The following CHST8 variants were observed in gnomAD, a reference collection of about 807,000 sequenced individuals.
CHST8 encodes GALNAC-4-ST1.
A neutral mutation model predicts 15.0 loss-of-function variants in CHST8; 10 were observed. That is an observed-to-expected ratio of 0.67 (90% CI 0.41 to 1.13). The LOEUF is 1.13. Among genes scored for constraint, CHST8 ranks in the 50% most tolerant of loss-of-function variants. CHST8 has a pLI of 0.00. For missense variants in CHST8, 634 were observed against 608.2 expected (o/e 1.04, Z -0.45); for synonymous variants, 259 against 256.6 (o/e 1.01, Z -0.09).
rs1301779472 is a variant in CHST8, at chr19:33,772,007, G to A, written c.219G>A (p.Glu73=). The change falls in exon 5 of 5, where the codon GAG becomes GAA. Residue 73 remains glutamate (E), a synonymous_variant. Coordinates refer to ENST00000650847, the MANE Select transcript of CHST8 (RefSeq NM_001127895.2). ...ATGGTGACTTGAAGGAACCCACAGA[G>A]AGGGTCACTCGGGACTTATCCAGTG... is the stretch of plus-strand genomic sequence containing the variant. ...SQDGDLKEPT[E]RVTRDLSSGA... 6.2e-7 allele frequency: 1 copy of A among 1,603,022 alleles called. No homozygotes were observed. Among genetic ancestry groups the A allele is most frequent in the Non-Finnish European group, 8.5e-7 (1 of 1,176,360 alleles).
chr19:33,690,337 T>G (rs373148377), intron 3 of CHST8, among the ~76,000 whole-genome samples: 10 of 151,972 alleles, frequency 6.6e-5, no homozygotes, highest in East Asian at 5.8e-4. Context: ...GGGCCAGAGG[T>G]GTAGGCAGAG....
At chr19:33,699,907 C>G (rs79304027) in intron 3 of CHST8, among the ~76,000 whole-genome samples, 11,595 of 152,184 alleles carry the variant, frequency 0.076, 502 homozygotes, top group Middle Eastern at 0.15. Flanking sequence ...TGGGCCAGGA[C>G]CACAGGAGCG....
chr19:33,744,014 C>G (rs1239744344), intron 3 of CHST8, among the ~76,000 whole-genome samples: 1 of 151,996 alleles, frequency 6.6e-6, no homozygotes, highest in African/African-American at 2.4e-5. Context: ...TGGTCTCGAA[C>G]TCCTGACCTC....
intron 1 of CHST8, among the ~76,000 whole-genome samples, chr19:33,633,022 G>A (rs911237279): frequency 4.6e-5 from 7 of 152,054 alleles, no homozygotes; most frequent in Non-Finnish European, 1.0e-4. Context: ...GTAGAGACGG[G>A]GTTTCACCAT....
At chr19:33,769,055 T>C (rs1343275082) in intron 3 of CHST8, among the ~76,000 whole-genome samples, 1 of 152,084 alleles carries the variant, frequency 6.6e-6, no homozygotes, top group African/African-American at 2.4e-5. Flanking sequence ...AGCATTAGAG[T>C]GGGACAGCCC....
intron 1 of CHST8, among the ~76,000 whole-genome samples, chr19:33,659,086 A>G (rs549371666): frequency 1.8e-5 from 1 of 55,092 alleles, no homozygotes; most frequent in South Asian, 5.9e-4. Context: ...TTTTTTTGAG[A>G]TGGCGTCTTG....
intron 3 of CHST8, among the ~76,000 whole-genome samples, chr19:33,747,504 C>T (rs1481721044): frequency 6.6e-6 from 1 of 152,074 alleles, no homozygotes; most frequent in African/African-American, 2.4e-5. Context: ...TCTAAGCTAC[C>T]ATGTAAAAAT....
chr19:33,757,951 T>C (rs921452663), intron 3 of CHST8, among the ~76,000 whole-genome samples: 1 of 152,128 alleles, frequency 6.6e-6, no homozygotes, highest in African/African-American at 2.4e-5. Context: ...TGGACCTGAC[T>C]CCAGCTTCAA....
intron 3 of CHST8, among the ~76,000 whole-genome samples, chr19:33,719,822 C>T (rs79595413): frequency 0.021 from 3,248 of 152,150 alleles, 107 homozygotes; most frequent in African/African-American, 0.075. Flanking sequence ...GAGCATGACA[C>T]GTGATACCCA....
intron 3 of CHST8, among the ~76,000 whole-genome samples, chr19:33,718,217 T>C (rs901800871): frequency 6.6e-6 from 1 of 151,026 alleles, no homozygotes; most frequent in Non-Finnish European, 1.5e-5. Flanking sequence ...TGTCTTTTTT[T>C]CTTTCTTTTT....
At chr19:33,721,431 A>G (rs1175539778) in intron 3 of CHST8, among the ~76,000 whole-genome samples, 2 of 152,152 alleles carry the variant, frequency 1.3e-5, no homozygotes, top group African/African-American at 4.8e-5. Context: ...CTGCTATGCT[A>G]GGTTCTTAAC....
intron 3 of CHST8, among the ~76,000 whole-genome samples, chr19:33,750,363 T>C (rs1386586487): frequency 6.6e-6 from 1 of 152,120 alleles, no homozygotes; most frequent in Non-Finnish European, 1.5e-5. Flanking sequence ...GACCTCAGGG[T>C]TTCCTGCTCA....
intron 2 of CHST8, among the ~76,000 whole-genome samples, chr19:33,685,979 C>T (rs776363872): frequency 2.0e-5 from 3 of 152,154 alleles, no homozygotes; most frequent in Non-Finnish European, 4.4e-5. Flanking sequence ...AGGGGAGGCA[C>T]GCTGACCTTT....
At position 33,661,867 on chromosome 19, in the gene CHST8, C is replaced by CAAA. The variant is rs34236738; in HGVS notation, c.-163-5882_-163-5880dup. 5.9e-3 allele frequency among the ~76,000 whole-genome samples: 453 copies of CAAA among 76,688 alleles called. 4 individuals carry two copies. The highest frequency in any genetic ancestry group is 0.019 in the African/African-American group (441 of 23,040). The allele number at this position is 76,688 out of a possible 152,430, so 50.3% of individuals were successfully genotyped here. A position where few individuals can be genotyped will look rare whatever the true frequency, so the allele number is the denominator to read the frequency against. Reference sequence around the variant, plus strand: ...GCAACACAGGGAGATTTCATCTTTACAAAAAAAAAAAAAAAAAAAATAGGC... The same window carrying CAAA: ...GCAACACAGGGAGATTTCATCTTTACAAAAAAAAAAAAAAAAAAAAAAATAGGC... On this transcript the variant is annotated intron_variant, in intron 1 of 4. Coordinates refer to ENST00000650847, the MANE Select transcript of CHST8 (RefSeq NM_001127895.2).
intron 3 of CHST8, among the ~76,000 whole-genome samples, chr19:33,766,979 G>C (rs1260625392): frequency 6.6e-6 from 1 of 152,252 alleles, no homozygotes; most frequent in Non-Finnish European, 1.5e-5. Flanking sequence ...GGACTGGCAT[G>C]GCCGCTCCTG....
At chr19:33,721,874 T>C (rs773327438) in intron 3 of CHST8, among the ~76,000 whole-genome samples, 3 of 150,146 alleles carry the variant, frequency 2.0e-5, no homozygotes, top group Non-Finnish European at 4.4e-5. Flanking sequence ...GACAGATGGA[T>C]GGATGGGTGG....
At chr19:33,629,823 C>T (rs1972100174) in intron 1 of CHST8, among the ~76,000 whole-genome samples, 3 of 152,376 alleles carry the variant, frequency 2.0e-5, no homozygotes, top group South Asian at 2.1e-4. Flanking sequence ...CCCCTAGGCC[C>T]CCTCCCAGGG....
chr19:33,718,068 C>T (rs1207985282), intron 3 of CHST8, among the ~76,000 whole-genome samples: 1 of 152,074 alleles, frequency 6.6e-6, no homozygotes, highest in Non-Finnish European at 1.5e-5. Context: ...CTGAAGCCTC[C>T]CAGTTAGTCC....
In CHST8 at chr19:33,772,927, A is replaced by C; in HGVS notation, c.1139A>C (p.Glu380Ala). The C allele has an allele frequency of 6.2e-7, 1 of 1,613,474 alleles. No homozygotes were observed. Among genetic ancestry groups the C allele is most frequent in the Non-Finnish European group, 8.5e-7 (1 of 1,180,034 alleles). Residue 380 changes from glutamate (E) to alanine (A), a missense_variant, in exon 5 of 5, where the codon GAG becomes GCG. By Grantham distance (107) the Glu-to-Ala change is moderately radical. Transcript: ENST00000650847. ...CGGTTCAAGGACCGGCACTCGCAGG[A>C]GGCGCGGACCACAGCGAGGATCGCC... ...FPRFKDRHSQ[E>A]ARTTARIAHQ... is the part of the protein sequence containing the mutation.
Sources: allele counts gnomAD v4.1 joint callset (sites outside exome capture counted in the v4.1 genomes callset), GRCh38; gene constraint gnomAD v4.1.1; transcripts MANE v1.5; gene names NCBI Gene and HGNC (gene_info 2026-07-23, HGNC 2026-07-21).